Variants in SLC14A2 observed in about 807,000 individuals in gnomAD.
SLC14A2 encodes urea transporter 2.
In SLC14A2, 91 loss-of-function variants were observed where a neutral mutation model predicts 104.6. The observed-to-expected ratio is 0.87, with a 90% CI of 0.73 to 1.04. The LOEUF (loss-of-function observed/expected upper bound fraction) is 1.04, where lower values mean the gene tolerates loss of function less well. Ranked by LOEUF, SLC14A2 falls within the 50% of genes least tolerant of loss-of-function variation. The probability of loss-of-function intolerance (pLI) is 0.00; values close to 1 mark genes in which losing one functional copy is unlikely to be tolerated. For missense variants in SLC14A2, 1,189 were observed against 1,156.0 expected, an observed-to-expected ratio of 1.03 and a Z score of -0.41; for synonymous variants, 476 against 466.4, an observed-to-expected ratio of 1.02 and a Z score of -0.27.
At chr18:45,251,404 G>A (rs961350342) in intron 1 of SLC14A2, among the ~76,000 whole-genome samples, 3 of 152,086 alleles carry the variant, frequency 2.0e-5, no homozygotes, top group African/African-American at 7.2e-5. Context: ...CACTATATTC[G>A]AGAGGCCCAA....
intron 1 of SLC14A2, among the ~76,000 whole-genome samples, chr18:45,270,165 C>T (rs1393748121): frequency 6.6e-6 from 1 of 152,154 alleles, no homozygotes; most frequent in African/African-American, 2.4e-5. Flanking sequence ...CCAGTGTCCA[C>T]AGCAGAGTTG....
At chr18:45,397,776 A>G (rs1405020269) in intron 1 of SLC14A2, among the ~76,000 whole-genome samples, 2 of 152,118 alleles carry the variant, frequency 1.3e-5, no homozygotes, top group East Asian at 3.9e-4. Context: ...ATTTGAGCAA[A>G]ATAATGAATC....
chr18:45,287,825 C>A (rs1298974551), intron 1 of SLC14A2, among the ~76,000 whole-genome samples: 1 of 152,152 alleles, frequency 6.6e-6, no homozygotes, highest in East Asian at 1.9e-4. Context: ...TCTGCTGATA[C>A]CAGCGGCTGT....
At chr18:45,200,598 T>C in the SLC14A2 span, among the ~76,000 whole-genome samples, 22 of 152,300 alleles carry the variant, frequency 1.4e-4, no homozygotes, top group African/African-American at 5.3e-4. Flanking sequence ...AAGTCATTTT[T>C]AGTATTAAAG....
intron 1 of SLC14A2, among the ~76,000 whole-genome samples, chr18:45,346,075 C>A (rs1038131584): frequency 2.0e-5 from 3 of 152,214 alleles, no homozygotes; most frequent in Non-Finnish European, 4.4e-5. Flanking sequence ...GGATGAACTT[C>A]TATTCGCACA....
chr18:45,613,673 C>T (rs1192787608), upstream of SLC14A2, among the ~76,000 whole-genome samples: 3 of 152,182 alleles, frequency 2.0e-5, no homozygotes, highest in Non-Finnish European at 4.4e-5. Flanking sequence ...TGCCACCTCC[C>T]TAGAGATCTG....
the SLC14A2 span, among the ~76,000 whole-genome samples, chr18:45,185,554 C>CAT: frequency 6.6e-6 from 1 of 152,118 alleles, no homozygotes; most frequent in African/African-American, 2.4e-5. Flanking sequence ...AATGGTGAAC[C>CAT]ATAGAATGTT....
upstream of SLC14A2, among the ~76,000 whole-genome samples, chr18:45,209,367 C>A (rs1434138272): frequency 1.3e-5 from 2 of 151,518 alleles, no homozygotes; most frequent in African/African-American, 4.8e-5. Flanking sequence ...ACAACAACAA[C>A]AACAACAACA....
chr18:45,412,409 CT>C (rs1351875348), intron 1 of SLC14A2, among the ~76,000 whole-genome samples: 1 of 152,148 alleles, frequency 6.6e-6, no homozygotes, highest in Non-Finnish European at 1.5e-5. Flanking sequence ...AGTTTCAGGT[CT>C]TCTAACTTAT....
chr18:45,424,451 T>G (rs373800844), intron 1 of SLC14A2, among the ~76,000 whole-genome samples: 6 of 152,192 alleles, frequency 3.9e-5, no homozygotes, highest in African/African-American at 1.4e-4. Flanking sequence ...GGGAAACACA[T>G]GGTGTGGATG....
intron 2 of SLC14A2, among the ~76,000 whole-genome samples, chr18:45,506,541 C>T (rs911460850): frequency 1.3e-5 from 2 of 151,924 alleles, no homozygotes; most frequent in Non-Finnish European, 2.9e-5. Context: ...CCCAAAAATC[C>T]AATAATGGAA....
intron 1 of SLC14A2, among the ~76,000 whole-genome samples, chr18:45,395,878 T>A (rs575423066): frequency 2.0e-5 from 3 of 152,316 alleles, no homozygotes; most frequent in Admixed American, 1.3e-4. Context: ...CTCACCCATA[T>A]AAACACTGGT....
At chr18:45,413,511 C>G (rs1037411755) in intron 1 of SLC14A2, among the ~76,000 whole-genome samples, 2 of 152,066 alleles carry the variant, frequency 1.3e-5, no homozygotes, top group Non-Finnish European at 2.9e-5. Context: ...CTTCTTTCTC[C>G]TCATCTGGAC....
chr18:45,297,476 G>A (rs934514887), intron 1 of SLC14A2, among the ~76,000 whole-genome samples: 3 of 152,222 alleles, frequency 2.0e-5, no homozygotes, highest in African/African-American at 7.2e-5. Flanking sequence ...GTAAAGATGA[G>A]TGGGTAGCAT....
intron 1 of SLC14A2, among the ~76,000 whole-genome samples, chr18:45,361,779 G>T (rs958012522): frequency 7.9e-5 from 12 of 151,280 alleles, no homozygotes; most frequent in African/African-American, 2.4e-4. Flanking sequence ...GTAAGATTTT[G>T]CTTGAAGAAA....
chr18:45,302,634 G>T (rs1205717819), intron 1 of SLC14A2, among the ~76,000 whole-genome samples: 1 of 151,948 alleles, frequency 6.6e-6, no homozygotes, highest in Non-Finnish European at 1.5e-5. Flanking sequence ...CTGAGTTCGG[G>T]TCTTCTTTCT....
intron 2 of SLC14A2, among the ~76,000 whole-genome samples, chr18:45,602,589 G>T (rs547587168): frequency 3.9e-5 from 6 of 152,326 alleles, no homozygotes; most frequent in African/African-American, 1.4e-4. Context: ...TCTACCCTCT[G>T]CAGAGACTTG....
chr18:45,233,914 G>C (rs928042374), intron 1 of SLC14A2, among the ~76,000 whole-genome samples: 1 of 151,686 alleles, frequency 6.6e-6, no homozygotes, highest in Non-Finnish European at 1.5e-5. Context: ...CAAGGAGTGA[G>C]TTTAGAGCTA....
intron 7 of SLC14A2, among the ~76,000 whole-genome samples, chr18:45,640,881 T>G (rs7238308): frequency 0.93 from 141,004 of 152,226 alleles, 65,424 homozygotes; most frequent in Middle Eastern, 0.96. Context: ...TCTTCAAACC[T>G]TTTTGGAAAC....
Sources: gnomAD v4.1 joint callset for allele counts (sites outside exome capture counted in the v4.1 genomes callset) on GRCh38, gnomAD v4.1.1 for gene constraint, MANE v1.5 for transcripts, NCBI Gene and HGNC (gene_info 2026-07-23, HGNC 2026-07-21) for gene names.